Variants in DPH7 observed in about 807,000 individuals in gnomAD.
DPH7 encodes diphthamide biosynthesis 7, also known as diphthine methyltransferase.
DPH7 carries 44 observed loss-of-function variants against 41.7 expected under a neutral mutation model. The ratio of observed to expected loss-of-function variants is 1.05; its 90% confidence interval spans 0.83 to 1.36. The LOEUF (loss-of-function observed/expected upper bound fraction) is 1.36, where lower values mean the gene tolerates loss of function less well. Among genes scored for constraint, DPH7 ranks in the 40% most tolerant of loss-of-function variants. The pLI is 0.00. For synonymous variants in DPH7, 275 were observed against 238.0 expected, an observed-to-expected ratio of 1.16 and a Z score of -1.43; for missense variants, 629 against 577.5, an observed-to-expected ratio of 1.09 and a Z score of -0.91.
chr9:137,568,759 A>G (rs1214711644), intron 5 of DPH7, among the ~76,000 whole-genome samples: 1 of 152,176 alleles, frequency 6.6e-6, no homozygotes, highest in East Asian at 1.9e-4. Flanking sequence ...CAGGAACAGA[A>G]GGGAGGAAAT....
chr9:137,565,017 G>A (rs1839348284), intron 6 of DPH7, 59 bp from the exon 7 acceptor site: 15 of 1,609,836 alleles, frequency 9.3e-6, no homozygotes, highest in Non-Finnish European at 1.2e-5. Context: ...CCAGGGAACG[G>A]GAGGGCTGGT....
At position 137,564,943 on chromosome 9, in the gene DPH7, C is replaced by A; in HGVS notation, c.726G>T (p.Val242=). 1 of 1,596,762 alleles carries A rather than the reference C, an allele frequency of 6.3e-7. No homozygotes were observed. Among genetic ancestry groups the A allele is most frequent in the African/African-American group, 1.3e-5 (1 of 74,680 alleles). ...LFTSKRHTMG[V]CSIQSSPHRE... ...GATGAGGGCTGCTCTGGATGCTGCA[C>A]ACACCCATGGTGTGTCTGCAAGCAG... Residue 242 remains valine, a synonymous_variant, in exon 7 of 9, where the codon GTG becomes GTT. Transcript: ENST00000277540.
rs377672744 is a variant in DPH7, at chr9:137,555,406, G to A, written c.1192C>T (p.Pro398Ser). Reference protein sequence around the residue: ...GHARPQSGMKPLTEGMRKNGT... With the variant: ...GHARPQSGMKSLTEGMRKNGT... ...TTCTTCCTCATGCCCTCTGTGAGTGGCTTCATTCCACTCTGGGGTCTGGCA... is the reference window on the plus strand; with the variant it reads ...TTCTTCCTCATGCCCTCTGTGAGTGACTTCATTCCACTCTGGGGTCTGGCA... Residue 398 changes from proline to serine, a missense_variant, in exon 9 of 9, where the codon CCA becomes TCA. Physicochemically the swap from Pro to Ser is moderately conservative, Grantham distance 74 (BLOSUM62 -1). Transcript: ENST00000277540. 51 of 1,614,160 alleles carry A rather than the reference G, an allele frequency of 3.2e-5. No homozygotes were observed. The East Asian group carries it at 6.0e-4, about 19-fold the overall frequency.
At chr9:137,564,710 C>T (rs967074389) in intron 7 of DPH7, 104 bp from the exon 8 acceptor site, 1 of 1,501,188 alleles carries the variant, frequency 6.7e-7, no homozygotes, top group Admixed American at 1.9e-5. Context: ...CTGTCCCATG[C>T]ATCCCTCGAG....
intron 5 of DPH7, among the ~76,000 whole-genome samples, chr9:137,572,877 G>A (rs1207839399): frequency 6.6e-6 from 1 of 152,206 alleles, no homozygotes; most frequent in Non-Finnish European, 1.5e-5. Flanking sequence ...ACATGGCGAA[G>A]TCACTATTGT....
At chr9:137,571,114 C>T (rs576216876) in intron 5 of DPH7, among the ~76,000 whole-genome samples, 14 of 152,060 alleles carry the variant, frequency 9.2e-5, no homozygotes, top group African/African-American at 3.1e-4. Flanking sequence ...CCTGTGGTCA[C>T]GCCATTGCAC....
Position 137,565,285 on chromosome 9 carries a change from CTGTGAGGAAG to C in DPH7, c.641-141_641-132del, listed in dbSNP as rs1192348243. ...AGGAAGCTCCCCGGGGTGACTCTGT[CTGTGAGGAAG>C]CTCCCCTGGGTGACTGTCTGTGAGG... On this transcript the variant is annotated intron_variant, in intron 5 of 8. Coordinates refer to ENST00000277540, the MANE Select transcript of DPH7 (RefSeq NM_138778.5). The C allele has an allele frequency of 5.1e-5, 31 of 607,480 alleles. 5 individuals are homozygous for C. The highest frequency in any genetic ancestry group is 4.9e-4 in the African/African-American group (18 of 36,790). The allele number at this position is 607,480 out of a possible 1,614,324, so 37.6% of individuals were successfully genotyped here.
intron 4 of DPH7, 69 bp from the exon 5 acceptor site, chr9:137,574,449 A>C: frequency 6.5e-7 from 1 of 1,540,240 alleles, no homozygotes; most frequent in Non-Finnish European, 8.9e-7. Flanking sequence ...GTTCCCAAAC[A>C]AGTCCTGAGA....
intron 5 of DPH7, among the ~76,000 whole-genome samples, chr9:137,572,321 G>A (rs538082574): frequency 7.9e-5 from 12 of 152,330 alleles, no homozygotes; most frequent in Admixed American, 6.5e-4. Context: ...AAACAAGGCC[G>A]GAGAAGCAGG....
rs1338928208 is a variant in DPH7 at position 137,555,574 on chromosome 9, A to G, written c.1024T>C (p.Trp342Arg). ...DSLVYGADWS[W>R]LLFRSLQRAP... is the part of the protein sequence containing the mutation. ...CGCTGCAGAGAACGGAAGAGCAGCC[A>G]GGACCAGTCGGCTCCATACACCAGC... Residue 342 changes from tryptophan (W) to arginine (R), a missense_variant, in exon 9 of 9, where the codon TGG becomes CGG. By Grantham distance (101) the Trp-to-Arg change is moderately radical. Transcript: ENST00000277540. 3.7e-6 allele frequency: 6 copies of G among 1,613,718 alleles called. No individual in the cohort carries two copies. In the South Asian group the frequency reaches 4.4e-5, roughly 12 times the overall value.
chr9:137,562,412 G>C (rs1838786933), intron 8 of DPH7, among the ~76,000 whole-genome samples: 1 of 152,050 alleles, frequency 6.6e-6, no homozygotes, highest in Non-Finnish European at 1.5e-5. Flanking sequence ...AAAGAAATGT[G>C]GGCACTTAAA....
rs1837226448 is a variant in DPH7 at position 137,555,084 on chromosome 9, G to A, written c.*155C>T. 1 of 929,334 alleles carries A rather than the reference G, an allele frequency of 1.1e-6. No homozygotes were observed. Among genetic ancestry groups the A allele is most frequent in the African/African-American group, 1.7e-5 (1 of 59,182 alleles). 57.6% of individuals were successfully genotyped at this position (929,334 alleles called of 1,614,324 possible). On this transcript the variant is annotated 3_prime_UTR_variant, in exon 9 of 9. Transcript: ENST00000277540. ...GGGCCCAGCAGGGAAGCTGATTTAA[G>A]AGAAGTCAACAGCTTTTCTGACTAC...
chr9:137,555,493 C>G lies in DPH7; in HGVS notation c.1105G>C (p.Gly369Arg). 6.2e-7 allele frequency: 1 copy of G among 1,614,110 alleles called. No homozygotes were observed. Among genetic ancestry groups the G allele is most frequent in the South Asian group, 1.1e-5 (1 of 91,078 alleles). ...NLGTKTADLK[G>R]ASELPTPCHE... ...CAGGGTGTTGGCAACTCGCTTGCAC[C>G]CTTCAGGTCTGCCGTCTTGGTTCCT... Residue 369 changes from glycine (G) to arginine (R), a missense_variant, in exon 9 of 9, where the codon GGT becomes CGT. Physicochemically the swap from Gly to Arg is moderately radical, Grantham distance 125. Coordinates refer to ENST00000277540, the MANE Select transcript of DPH7 (RefSeq NM_138778.5).
chr9:137,576,216 C>A (rs370814331), intron 2 of DPH7, 49 bp from the exon 3 acceptor site: 1 of 1,539,114 alleles, frequency 6.5e-7, no homozygotes, highest in East Asian at 2.2e-5. Context: ...GGAGCACAGG[C>A]GTGCACTGTG....
At chr9:137,563,820 C>T (rs1176247532) in intron 8 of DPH7, among the ~76,000 whole-genome samples, 1 of 152,068 alleles carries the variant, frequency 6.6e-6, no homozygotes, top group African/African-American at 2.4e-5. Flanking sequence ...GAGGTTTGAG[C>T]AGAGAGAAGA....
chr9:137,564,351 G>A, intron 8 of DPH7, 83 bp downstream of exon 8: 1 of 1,501,126 alleles, frequency 6.7e-7, no homozygotes, highest in Non-Finnish European at 9.0e-7. Flanking sequence ...GGAGCAGGGA[G>A]CTGAGGGAAG....
In DPH7 at chr9:137,555,423, G is replaced by A. The variant is rs1332826067; in HGVS notation, c.1175C>T (p.Pro392Leu). 1 of 1,614,082 alleles carries A rather than the reference G, an allele frequency of 6.2e-7. No individual in the cohort carries two copies. The highest frequency in any genetic ancestry group is 1.1e-5 in the South Asian group (1 of 91,086). The change falls in exon 9 of 9, where the codon CCC becomes CTC. Residue 392 changes from proline (P) to leucine (L), a missense_variant. Pro to Leu is a moderately conservative substitution (Grantham distance 98). Transcript: ENST00000277540. ...TGTGAGTGGCTTCATTCCACTCTGG[G>A]GTCTGGCATGGCCCTCCCCATCGTT... ...EDNDGEGHAR[P>L]QSGMKPLTEG...
At chr9:137,564,658 T>C (rs1839250187) in intron 7 of DPH7, 52 bp from the exon 8 acceptor site, 2 of 1,583,650 alleles carry the variant, frequency 1.3e-6, no homozygotes, top group South Asian at 2.3e-5. Flanking sequence ...GGCTCACCTG[T>C]TCCACAAGGC....
chr9:137,575,527 G>A (rs375265911), intron 3 of DPH7: 4 of 991,188 alleles, frequency 4.0e-6, no homozygotes, highest in South Asian at 4.6e-5. Context: ...ACAGGCCCTC[G>A]GTTGGCCCAG....
Sources: allele counts gnomAD v4.1 joint callset (sites outside exome capture counted in the v4.1 genomes callset), GRCh38; gene constraint gnomAD v4.1.1; transcripts MANE v1.5; gene names NCBI Gene and HGNC (gene_info 2026-07-23, HGNC 2026-07-21).